The following CREB3L2 variants were observed in gnomAD, a reference collection of about 807,000 sequenced individuals.
CREB3L2 encodes the protein cAMP responsive element binding protein 3 like 2, also known as cyclic AMP-responsive element-binding protein 3-like protein 2.
CREB3L2 carries 23 observed loss-of-function variants against 57.2 expected under a neutral mutation model. The ratio of observed to expected loss-of-function variants is 0.40; its 90% confidence interval spans 0.29 to 0.57. The LOEUF is 0.57. Ranked by LOEUF, CREB3L2 falls within the 20% of genes least tolerant of loss-of-function variation. The pLI, the probability that CREB3L2 is intolerant of heterozygous loss-of-function variation, is 0.42. For synonymous variants in CREB3L2, 268 were observed against 265.1 expected (o/e 1.01, Z -0.11); for missense variants, 628 against 634.7 (o/e 0.99, Z 0.11).
chr7:137,912,375 C>CA (rs1323783918), intron 4 of CREB3L2, among the ~76,000 whole-genome samples: 9,313 of 69,564 alleles, frequency 0.13, 685 homozygotes, highest in African/African-American at 0.3. Flanking sequence ...GACTCTGTCT[C>CA]AAAAAAAAAA....
intron 1 of CREB3L2, among the ~76,000 whole-genome samples, chr7:137,997,077 T>G (rs1331443959): frequency 1.3e-5 from 2 of 152,212 alleles, no homozygotes; most frequent in African/African-American, 4.8e-5. Context: ...GCCTTCCCAC[T>G]TCCCCTGTTC....
intron 10 of CREB3L2, among the ~76,000 whole-genome samples, chr7:137,883,170 T>C (rs536577981): frequency 6.6e-6 from 1 of 152,234 alleles, no homozygotes; most frequent in African/African-American, 2.4e-5. Context: ...TTCCATGACA[T>C]AGAAACTATG....
At chr7:137,930,193 G>A (rs1009815594) in intron 1 of CREB3L2, among the ~76,000 whole-genome samples, 6 of 152,066 alleles carry the variant, frequency 3.9e-5, no homozygotes, top group Admixed American at 1.3e-4. Flanking sequence ...CACTGTGCCC[G>A]GCCAATAAAA....
intron 1 of CREB3L2, among the ~76,000 whole-genome samples, chr7:137,974,720 C>G (rs765071240): frequency 6.6e-6 from 1 of 152,174 alleles, no homozygotes; most frequent in African/African-American, 2.4e-5. Flanking sequence ...AGCCACAGGA[C>G]TGAGTGACAG....
chr7:137,994,353 A>C (rs1369237683), intron 1 of CREB3L2, among the ~76,000 whole-genome samples: 1 of 152,218 alleles, frequency 6.6e-6, no homozygotes, highest in Non-Finnish European at 1.5e-5. Context: ...TTCTTTGAAA[A>C]ATGGCATTTA....
At chr7:137,924,630 T>C (rs1458291824) in intron 2 of CREB3L2, among the ~76,000 whole-genome samples, 1 of 152,232 alleles carries the variant, frequency 6.6e-6, no homozygotes, top group African/African-American at 2.4e-5. Flanking sequence ...ATGTTTTTTT[T>C]CTTCTTCCTT....
chr7:137,977,320 A>G (rs1026073751), intron 1 of CREB3L2, among the ~76,000 whole-genome samples: 2 of 152,230 alleles, frequency 1.3e-5, no homozygotes, highest in African/African-American at 2.4e-5. Context: ...ACCGGTAAGC[A>G]GCATCTCCAC....
chr7:137,928,547 A>G (rs1800535076), intron 1 of CREB3L2, among the ~76,000 whole-genome samples, 181 bp from the exon 2 acceptor site: 1 of 152,092 alleles, frequency 6.6e-6, no homozygotes, highest in Non-Finnish European at 1.5e-5. Flanking sequence ...AGGTAACCAT[A>G]ATATTAATAT....
rs1469871340 is a variant in CREB3L2 at position 137,913,050 on chromosome 7, G to C, written c.524C>G (p.Pro175Arg). The C allele has an allele frequency of 2.5e-6, 4 of 1,613,654 alleles. No homozygotes were observed. The African/African-American group carries it at 5.3e-5, about 22-fold the overall frequency. The change falls in exon 4 of 12, where the codon CCT (proline) becomes CGT (arginine). Residue 175 changes from proline to arginine, a missense_variant. This residue lies in a region of CREB3L2 where 339 missense variants were observed against 355.4 expected (regional missense o/e 0.95). Coordinates refer to ENST00000330387, the MANE Select transcript of CREB3L2 (RefSeq NM_194071.4). The stretch of plus-strand genomic sequence containing the variant: ...TTCATGAGGCTCCAGCTTAATTTTA[G>C]GAATAATGGTCTGGCACGAGGAATC... ...GVDSSCQTII[P>R]KIKLEPHEVD...
At chr7:137,907,145 A>AT (rs1356830048) in intron 5 of CREB3L2, among the ~76,000 whole-genome samples, 1 of 152,358 alleles carries the variant, frequency 6.6e-6, no homozygotes, top group African/African-American at 2.4e-5. Flanking sequence ...AAAAGGCAGT[A>AT]TTTTGAAAAG....
rs145339071 is a variant in CREB3L2 at position 137,898,960 on chromosome 7, A to AAAGGAAGGAAGG, written c.1043+2382_1043+2393dup. Among the ~76,000 whole-genome samples the AAAGGAAGGAAGG allele has an allele frequency of 3.1e-3, 416 of 132,798 alleles. 12 individuals are homozygous for AAAGGAAGGAAGG. Among genetic ancestry groups the AAAGGAAGGAAGG allele is most frequent in the African/African-American group, 0.014 (380 of 26,214 alleles). 87.1% of individuals were successfully genotyped at this position (132,798 alleles called of 152,430 possible). A position where few individuals can be genotyped will look rare whatever the true frequency, so the allele number is the denominator to read the frequency against. ...GGAGGGAGGAACAAAGGAAAGAAGG[A>AAAGGAAGGAAGG]AAGGAAGGAAGGAAGGAAGGAAGGA... On this transcript the variant is annotated intron_variant, in intron 8 of 11. Coordinates refer to ENST00000330387, the MANE Select transcript of CREB3L2 (RefSeq NM_194071.4).
intron 7 of CREB3L2, among the ~76,000 whole-genome samples, chr7:137,903,603 T>A (rs1040725564): frequency 6.6e-6 from 1 of 152,196 alleles, no homozygotes; most frequent in Non-Finnish European, 1.5e-5. Flanking sequence ...GGGGGCTGAT[T>A]AAGTAGCACT....
chr7:137,919,960 T>C (rs1341002553), intron 2 of CREB3L2, among the ~76,000 whole-genome samples: 2 of 152,208 alleles, frequency 1.3e-5, no homozygotes, highest in African/African-American at 2.4e-5. Context: ...TGGGACACTA[T>C]TGTCTTTGGA....
At chr7:137,949,299 C>T (rs1056299737) in intron 1 of CREB3L2, among the ~76,000 whole-genome samples, 1 of 152,202 alleles carries the variant, frequency 6.6e-6, no homozygotes, top group Non-Finnish European at 1.5e-5. Context: ...TGCTAACTTC[C>T]CACAGACGTT....
intron 6 of CREB3L2, among the ~76,000 whole-genome samples, chr7:137,904,579 G>A (rs1028072608): frequency 2.0e-5 from 3 of 152,062 alleles, no homozygotes; most frequent in African/African-American, 2.4e-5. Flanking sequence ...CAAGAGAATC[G>A]CTTGAGTCCG....
intron 8 of CREB3L2, among the ~76,000 whole-genome samples, chr7:137,896,593 G>A (rs148502652): frequency 6.1e-4 from 93 of 152,280 alleles, no homozygotes; most frequent in African/African-American, 2.1e-3. Context: ...GAGCCACCGC[G>A]CCAGGTCTTA....
chr7:137,915,741 C>T (rs1287579906), intron 3 of CREB3L2, 96 bp downstream of exon 3: 1 of 1,056,432 alleles, frequency 9.5e-7, no homozygotes. Context: ...TGTACACAGC[C>T]ACTAACTCCA....
intron 1 of CREB3L2, among the ~76,000 whole-genome samples, chr7:137,934,198 C>T (rs1412725414): frequency 6.6e-6 from 1 of 152,206 alleles, no homozygotes; most frequent in Non-Finnish European, 1.5e-5. Context: ...TGTCCAAGAT[C>T]TCTGTCCCCT....
At chr7:137,946,103 G>A (rs1191079993) in intron 1 of CREB3L2, among the ~76,000 whole-genome samples, 1 of 152,142 alleles carries the variant, frequency 6.6e-6, no homozygotes, top group Non-Finnish European at 1.5e-5. Context: ...CACTGTAATA[G>A]GCTGAAATTC....
Sources: allele counts gnomAD v4.1 joint callset (sites outside exome capture counted in the v4.1 genomes callset), GRCh38; gene constraint gnomAD v4.1.1; regional missense constraint gnomAD v4.1.1; transcripts MANE v1.5; gene names NCBI Gene and HGNC (gene_info 2026-07-23, HGNC 2026-07-21).